WDR49: variants seen among roughly 807,000 people sequenced by gnomAD.
WDR49 encodes the protein WD repeat domain 49.
A neutral mutation model predicts 119.5 loss-of-function variants in WDR49; 107 were observed. The ratio of observed to expected loss-of-function variants is 0.90; its 90% CI spans 0.77 to 1.05. WDR49 has a LOEUF of 1.05. WDR49 is among the 50% of genes least tolerant of loss of function. The probability of loss-of-function intolerance (pLI) is 0.00; values close to 1 mark genes in which losing one functional copy is unlikely to be tolerated. For synonymous variants in WDR49, 425 were observed against 418.8 expected (o/e 1.01, Z -0.18); for missense variants, 1,240 against 1,220.5 (o/e 1.02, Z -0.24).
chr3:167,630,059 T>C (rs1020830331), intron 2 of WDR49, among the ~76,000 whole-genome samples: 1 of 152,176 alleles, frequency 6.6e-6, no homozygotes, highest in Non-Finnish European at 1.5e-5. Flanking sequence ...GACTTCAATT[T>C]TGAAAGAAAT....
intron 7 of WDR49, among the ~76,000 whole-genome samples, chr3:167,596,491 C>A (rs1430171453): frequency 6.6e-6 from 1 of 151,388 alleles, no homozygotes; most frequent in African/African-American, 2.4e-5. Context: ...CAATGATAGA[C>A]TGGATTAAGA....
At chr3:167,641,404 G>A (rs968508901) in intron 2 of WDR49, among the ~76,000 whole-genome samples, 2 of 151,814 alleles carry the variant, frequency 1.3e-5, no homozygotes, top group South Asian at 4.1e-4. Flanking sequence ...ATAAGATGAA[G>A]ATAAGATAAG....
At chr3:167,503,850 G>T (rs186996577) in intron 17 of WDR49, among the ~76,000 whole-genome samples, 1 of 152,226 alleles carries the variant, frequency 6.6e-6, no homozygotes, top group Non-Finnish European at 1.5e-5. Context: ...GGTGGTTGCC[G>T]TTGCCGGCTC....
Position 167,592,188 on chromosome 3 carries a change from A to G in WDR49, c.1275+9939T>C, listed in dbSNP as rs144422317. 2.3e-3 allele frequency among the ~76,000 whole-genome samples: 354 copies of G among 152,310 alleles called. 1 individual carries two copies. The highest frequency in any genetic ancestry group is 7.9e-3 in the African/African-American group (329 of 41,586). ...ACCAACAAGCAAAAAGAAAACTAAT[A>G]AAGACCCTATACCTTAACTTCATGC... is the stretch of plus-strand genomic sequence containing the variant. On this transcript the variant is annotated intron_variant, in intron 7 of 18. Transcript: ENST00000682715.
chr3:167,543,343 A>G (rs1220403138), intron 10 of WDR49, among the ~76,000 whole-genome samples: 1 of 152,048 alleles, frequency 6.6e-6, no homozygotes, highest in African/African-American at 2.4e-5. Flanking sequence ...ATAAAAAAAG[A>G]AAACTGCAGA....
At chr3:167,576,281 C>G (rs1714250187) in intron 7 of WDR49, 130 bp from the exon 8 acceptor site, 2 of 693,146 alleles carry the variant, frequency 2.9e-6, no homozygotes, top group East Asian at 5.4e-5. Flanking sequence ...AATTGGTTCT[C>G]AATTCTGCCA....
At chr3:167,593,766 C>T (rs1715260208) in intron 7 of WDR49, among the ~76,000 whole-genome samples, 1 of 151,942 alleles carries the variant, frequency 6.6e-6, no homozygotes, top group Admixed American at 6.6e-5. Flanking sequence ...CTCTGTGTTC[C>T]CACCCAAATC....
At chr3:167,519,417 G>T (rs1296059885) in intron 16 of WDR49, among the ~76,000 whole-genome samples, 2 of 152,116 alleles carry the variant, frequency 1.3e-5, no homozygotes, top group East Asian at 3.9e-4. Flanking sequence ...ACTGGATAAA[G>T]AAAATGTTAC....
chr3:167,492,465 T>C (rs1207349710), intron 18 of WDR49, among the ~76,000 whole-genome samples: 1 of 152,136 alleles, frequency 6.6e-6, no homozygotes, highest in East Asian at 1.9e-4. Context: ...AAATTCTTTA[T>C]ATAGAAAATG....
intron 5 of WDR49, among the ~76,000 whole-genome samples, chr3:167,613,487 T>C (rs1020917279): frequency 6.6e-6 from 1 of 152,188 alleles, no homozygotes; most frequent in Non-Finnish European, 1.5e-5. Flanking sequence ...GTGGTCTAGC[T>C]AACTCGACAG....
intron 8 of WDR49, chr3:167,566,840 G>A: frequency 1.5e-6 from 1 of 669,616 alleles, no homozygotes; most frequent in Non-Finnish European, 2.7e-6. Context: ...TATTTATTGA[G>A]TGGAAGTCAA....
chr3:167,613,868 C>T (rs1577277741), intron 5 of WDR49, among the ~76,000 whole-genome samples: 1 of 151,488 alleles, frequency 6.6e-6, no homozygotes, highest in African/African-American at 2.4e-5. Context: ...TCGCTTGAAC[C>T]CAGGAGACAG....
At chr3:167,559,233 T>C (rs1206496970) in intron 9 of WDR49, among the ~76,000 whole-genome samples, 3 of 152,200 alleles carry the variant, frequency 2.0e-5, no homozygotes, top group Non-Finnish European at 4.4e-5. Flanking sequence ...TAACTGAGTG[T>C]ATCATACACT....
At chr3:167,536,605 G>C (rs1485873561) in intron 11 of WDR49, among the ~76,000 whole-genome samples, 1 of 151,042 alleles carries the variant, frequency 6.6e-6, no homozygotes, top group African/African-American at 2.4e-5. Flanking sequence ...ACTTGAACCT[G>C]GCAGGTGGAG....
At chr3:167,566,911 G>A (rs1356549650) in intron 8 of WDR49, 2 of 669,416 alleles carry the variant, frequency 3.0e-6, no homozygotes, top group Middle Eastern at 2.4e-4. Context: ...AGGAGGAAAA[G>A]AAAGGGTTGG....
At chr3:167,639,578 G>C (rs1311500916) in intron 2 of WDR49, among the ~76,000 whole-genome samples, 1 of 151,710 alleles carries the variant, frequency 6.6e-6, no homozygotes, top group South Asian at 2.1e-4. Flanking sequence ...ATACTGTTTT[G>C]ATAAAAGCTA....
intron 10 of WDR49, among the ~76,000 whole-genome samples, chr3:167,546,727 T>C (rs1389276740): frequency 6.6e-6 from 1 of 151,572 alleles, no homozygotes; most frequent in East Asian, 1.9e-4. Flanking sequence ...TAAAACCACC[T>C]TTTTTCTAGG....
At chr3:167,604,064 A>T (rs886256222) in intron 6 of WDR49, among the ~76,000 whole-genome samples, 36 of 145,664 alleles carry the variant, frequency 2.5e-4, no homozygotes, top group African/African-American at 9.1e-4. Flanking sequence ...AATTGTAATT[A>T]AAAAAAAAAC....
intron 7 of WDR49, among the ~76,000 whole-genome samples, chr3:167,582,458 G>A (rs759283967): frequency 9.9e-5 from 15 of 151,824 alleles, no homozygotes; most frequent in African/African-American, 2.7e-4. Context: ...CTCTTCTGCC[G>A]TTTATCTTTA....
Sources: allele counts gnomAD v4.1 joint callset (sites outside exome capture counted in the v4.1 genomes callset), GRCh38; gene constraint gnomAD v4.1.1; transcripts MANE v1.5; gene names NCBI Gene and HGNC (gene_info 2026-07-23, HGNC 2026-07-21).